Variants in ARHGEF7 observed in about 807,000 individuals in gnomAD.
ARHGEF7 encodes the protein PAK-interacting exchange factor beta.
A neutral mutation model predicts 109.8 loss-of-function variants in ARHGEF7; 33 were observed. The observed-to-expected ratio is 0.30, with a 90% CI of 0.23 to 0.40. The LOEUF is 0.40. Ranked by LOEUF, ARHGEF7 falls within the 10% of genes least tolerant of loss-of-function variation. The pLI is 1.00. For synonymous variants in ARHGEF7, 458 were observed against 424.6 expected (o/e 1.08, Z -0.97); for missense variants, 938 against 1,098.5 (o/e 0.85, Z 2.07).
chr13:111,274,658 G>C, intron 10 of ARHGEF7, 73 bp from the exon 11 acceptor site: 1 of 849,788 alleles, frequency 1.2e-6, no homozygotes, highest in South Asian at 2.2e-5. Context: ...GTTTCAAGCT[G>C]GTCTGTAGAA....
chr13:111,206,294 G>C (rs754301634), intron 3 of ARHGEF7, among the ~76,000 whole-genome samples: 4 of 151,954 alleles, frequency 2.6e-5, no homozygotes, highest in Non-Finnish European at 5.9e-5. Context: ...CATGCTTTGG[G>C]GCTGCAGTTC....
chr13:111,131,330 T>C lies in ARHGEF7; in HGVS notation c.165+15639T>C, dbSNP rs1045361139. On this transcript the variant is annotated intron_variant, in intron 1 of 21. Coordinates refer to ENST00000646102, the MANE Select transcript of ARHGEF7 (RefSeq NM_001354046.2). The surrounding 1 kb of genome is among the most constrained non-coding windows in gnomAD (Gnocchi z 4.4). The stretch of plus-strand genomic sequence containing the variant: ...CTGGGTTTCTGGTTGCACAACAGGA[T>C]AGATGGGGCGGTCGCCTGTGCTGGA... Among the ~76,000 whole-genome samples, 1 of 151,832 alleles carries C rather than the reference T, an allele frequency of 6.6e-6. No homozygotes were observed. The highest frequency in any genetic ancestry group is 1.5e-5 in the Non-Finnish European group (1 of 67,958).
intron 2 of ARHGEF7, among the ~76,000 whole-genome samples, chr13:111,204,599 C>T (rs999014928): frequency 3.3e-5 from 5 of 152,142 alleles, no homozygotes; most frequent in Non-Finnish European, 5.9e-5. Flanking sequence ...TTTCCAAGCT[C>T]CAGGATGGTG....
chr13:111,135,363 G>T (rs2075033831), intron 1 of ARHGEF7, among the ~76,000 whole-genome samples: 2 of 151,816 alleles, frequency 1.3e-5, no homozygotes, highest in South Asian at 2.1e-4. Context: ...TGATGGGGAT[G>T]GCATTGAATC....
chr13:111,244,164 T>G lies in ARHGEF7; in HGVS notation c.855-35T>G, dbSNP rs753069956. ...AGGAGAAGAATATAAATAAAACTGT[T>G]TACATATGTTTACTGTTATTTTTCT... On this transcript the variant is annotated intron_variant, in intron 7 of 21. Transcript: ENST00000646102. 5 of 1,460,716 alleles carry G rather than the reference T, an allele frequency of 3.4e-6. No homozygotes were observed. The South Asian group carries it at 6.0e-5, about 18-fold the overall frequency. The allele number at this position is 1,460,716 out of a possible 1,614,324, so 90.5% of individuals were successfully genotyped here.
intron 5 of ARHGEF7, among the ~76,000 whole-genome samples, chr13:111,221,412 GATGTCTATATATCTATATATAGATATAT>G (rs2084105269): frequency 1.2e-4 from 2 of 16,012 alleles, no homozygotes; most frequent in Non-Finnish European, 2.6e-4. Context: ...TATATATATA[GATGTCTATATATCTATATATAGATATAT>G]ATATCTATAT....
intron 2 of ARHGEF7, among the ~76,000 whole-genome samples, chr13:111,198,011 CA>C (rs2080757299): frequency 6.6e-6 from 1 of 152,076 alleles, no homozygotes; most frequent in Non-Finnish European, 1.5e-5. Flanking sequence ...CAGGGTCAAC[CA>C]GCTTGTTGTT....
In ARHGEF7 at chr13:111,228,744, CTG is replaced by C. The variant is rs1205537788; in HGVS notation, c.671-4458_671-4457del. 6.6e-6 allele frequency among the ~76,000 whole-genome samples: 1 copy of C among 152,064 alleles called. No homozygotes were observed. The highest frequency in any genetic ancestry group is 1.5e-5 in the Non-Finnish European group (1 of 68,022). On this transcript the variant is annotated intron_variant, in intron 5 of 21. Transcript: ENST00000646102. The surrounding 1 kb of genome is among the most constrained non-coding windows in gnomAD (Gnocchi z 4.6). ...GGGCAGACACACACAGACATTGACT[CTG>C]TGAACTCTGAGTGCGTGAGTAACAG...
rs199849562 is a variant in ARHGEF7 at position 111,275,691 on chromosome 13, A to G, written c.1419+13A>G. The G allele has an allele frequency of 5.0e-5, 81 of 1,613,998 alleles. No individual in the cohort carries two copies. The Admixed American group carries it at 7.5e-4, about 15-fold the overall frequency. The stretch of plus-strand genomic sequence containing the variant: ...TGCCGGAAGTGAGGTACTGCTGCCC[A>G]CATGCACGCACCAGGGTTTCTGTCC... On this transcript the variant is annotated intron_variant, in intron 12 of 21. Transcript: ENST00000646102.
intron 8 of ARHGEF7, among the ~76,000 whole-genome samples, chr13:111,247,579 C>A (rs2153553773): frequency 6.6e-6 from 1 of 152,060 alleles, no homozygotes; most frequent in Non-Finnish European, 1.5e-5. Context: ...CCTTCATATT[C>A]ATTATTTCTT....
chr13:111,292,079 C>G (rs1044003274), intron 18 of ARHGEF7, 39 bp from the exon 19 acceptor site: 8 of 1,583,208 alleles, frequency 5.1e-6, no homozygotes, highest in South Asian at 2.2e-5. Context: ...CTCCTCACCC[C>G]CTGCCTGTCG....
chr13:111,184,288 T>C (rs1408825521), intron 2 of ARHGEF7, among the ~76,000 whole-genome samples: 1 of 152,220 alleles, frequency 6.6e-6, no homozygotes, highest in Non-Finnish European at 1.5e-5. Flanking sequence ...CTTTTCTTTA[T>C]AAATTACCCA....
chr13:111,286,633 C>A (rs7328930), intron 17 of ARHGEF7, among the ~76,000 whole-genome samples: 8 of 152,166 alleles, frequency 5.3e-5, no homozygotes, highest in African/African-American at 9.6e-5. Context: ...CTGTGTTCTC[C>A]TGTGGGTAGC....
intron 2 of ARHGEF7, among the ~76,000 whole-genome samples, chr13:111,203,396 T>G (rs2081410800): frequency 6.6e-6 from 1 of 152,274 alleles, no homozygotes; most frequent in African/African-American, 2.4e-5. Context: ...GGATTTCTTC[T>G]TAAATAATAA....
chr13:111,260,035 T>C (rs2153573188), intron 8 of ARHGEF7, among the ~76,000 whole-genome samples: 1 of 152,258 alleles, frequency 6.6e-6, no homozygotes, highest in South Asian at 2.1e-4. Context: ...ATTAGTGAGC[T>C]TGAAGACAGG....
chr13:111,280,829 C>A, intron 15 of ARHGEF7, 152 bp downstream of exon 15: 1 of 878,244 alleles, frequency 1.1e-6, no homozygotes, highest in Non-Finnish European at 1.7e-6. Context: ...GATCTTTGGC[C>A]CTCTTCGTGC....
At chr13:111,120,815 C>T (rs974510034) in intron 1 of ARHGEF7, among the ~76,000 whole-genome samples, 1 of 152,210 alleles carries the variant, frequency 6.6e-6, no homozygotes, top group African/African-American at 2.4e-5. Flanking sequence ...TCGCAATACC[C>T]ATACTGCAGA....
rs899017583 is a variant in ARHGEF7 at position 111,132,123 on chromosome 13, A to G, written c.165+16432A>G. Among the ~76,000 whole-genome samples the G allele has an allele frequency of 2.6e-5, 4 of 152,200 alleles. No homozygotes were observed. The South Asian group carries it at 6.2e-4, about 24-fold the overall frequency. ...AGTGAGGGTCAGCGTGTTTTTCTTG[A>G]TAAAGGAGGCTCTAGCAAACTGTAT... is the stretch of plus-strand genomic sequence containing the variant. On this transcript the variant is annotated intron_variant, in intron 1 of 21. Transcript: ENST00000646102.
chr13:111,158,245 T>G (rs1178468872), intron 2 of ARHGEF7, among the ~76,000 whole-genome samples: 1 of 152,208 alleles, frequency 6.6e-6, no homozygotes, highest in Non-Finnish European at 1.5e-5. Context: ...TGCTTAAGAA[T>G]TGACTGTGGG....
Sources: gnomAD v4.1 joint callset for allele counts (sites outside exome capture counted in the v4.1 genomes callset) on GRCh38, gnomAD v4.1.1 for gene constraint, Gnocchi (gnomAD v3.1) non-coding constraint, MANE v1.5 for transcripts, NCBI Gene and HGNC (gene_info 2026-07-23, HGNC 2026-07-21) for gene names.